Variants in PTPRK observed in about 807,000 individuals in gnomAD.
PTPRK encodes the protein protein tyrosine phosphatase receptor type K.
A neutral mutation model predicts 178.0 loss-of-function variants in PTPRK; 75 were observed. The observed-to-expected ratio is 0.42, with a 90% confidence interval of 0.35 to 0.51. The LOEUF (loss-of-function observed/expected upper bound fraction) is 0.51. Ranked by LOEUF, PTPRK falls within the 20% of genes least tolerant of loss-of-function variation. The pLI is 0.02. For synonymous variants in PTPRK, 637 were observed against 620.6 expected (o/e 1.03, Z -0.39); for missense variants, 1,441 against 1,797.8 (o/e 0.80, Z 3.59).
chr6:128,499,708 T>C (rs982039242), intron 1 of PTPRK, among the ~76,000 whole-genome samples: 4 of 152,240 alleles, frequency 2.6e-5, no homozygotes, highest in Non-Finnish European at 5.9e-5. Context: ...TCTTTTTGCA[T>C]TGTGACTCAG....
chr6:128,003,866 A>AATAAAATAT (rs1778126556), intron 15 of PTPRK, among the ~76,000 whole-genome samples: 1 of 151,900 alleles, frequency 6.6e-6, no homozygotes, highest in African/African-American at 2.4e-5. Context: ...AATAGATCTG[A>AATAAAATAT]AAGGCCCTGT....
chr6:128,278,324 T>G (rs1821104986), intron 3 of PTPRK, among the ~76,000 whole-genome samples: 1 of 151,754 alleles, frequency 6.6e-6, no homozygotes, highest in African/African-American at 2.4e-5. Context: ...GCCCAGGTAA[T>G]TTTTTGTATT....
chr6:128,136,744 G>A (rs1178151213), intron 7 of PTPRK, among the ~76,000 whole-genome samples: 1 of 152,084 alleles, frequency 6.6e-6, no homozygotes, highest in Non-Finnish European at 1.5e-5. Context: ...TGTGGACAAG[G>A]GTGGAGCTAT....
intron 22 of PTPRK, among the ~76,000 whole-genome samples, chr6:127,984,990 G>A (rs1008520711): frequency 3.3e-5 from 5 of 152,122 alleles, no homozygotes; most frequent in Non-Finnish European, 1.5e-5. Flanking sequence ...AGCAAAAAAT[G>A]CTTAGGTACA....
chr6:127,975,387 C>A (rs999174453), intron 27 of PTPRK, among the ~76,000 whole-genome samples: 4 of 152,032 alleles, frequency 2.6e-5, no homozygotes, highest in Non-Finnish European at 5.9e-5. Flanking sequence ...TGAAGTTATC[C>A]TTTTTTTCTC....
chr6:128,373,100 A>G (rs549538790), intron 2 of PTPRK, among the ~76,000 whole-genome samples: 70 of 152,294 alleles, frequency 4.6e-4, no homozygotes, highest in African/African-American at 1.5e-3. Context: ...GTAAGGGCCT[A>G]TCAAAGACAT....
chr6:128,051,152 TG>T (rs1421361140), intron 13 of PTPRK, among the ~76,000 whole-genome samples: 1 of 152,238 alleles, frequency 6.6e-6, no homozygotes, highest in East Asian at 1.9e-4. Context: ...TTTCTGCATT[TG>T]TTCAATTATA....
intron 7 of PTPRK, among the ~76,000 whole-genome samples, chr6:128,171,962 TA>T (rs1367807936): frequency 6.6e-6 from 1 of 151,922 alleles, no homozygotes; most frequent in Non-Finnish European, 1.5e-5. Flanking sequence ...CTCGTCTTCT[TA>T]AAAAATAAGG....
At chr6:128,250,503 T>A (rs1199957772) in intron 3 of PTPRK, among the ~76,000 whole-genome samples, 1 of 152,190 alleles carries the variant, frequency 6.6e-6, no homozygotes, top group African/African-American at 2.4e-5. Context: ...AACAATGCAG[T>A]ATCAGTGGAT....
intron 6 of PTPRK, among the ~76,000 whole-genome samples, chr6:128,211,064 G>A (rs1012403699): frequency 6.6e-6 from 1 of 152,052 alleles, no homozygotes; most frequent in African/African-American, 2.4e-5. Flanking sequence ...ATCCTAAAGT[G>A]TAAAAGTCAC....
intron 13 of PTPRK, among the ~76,000 whole-genome samples, chr6:128,030,392 G>A (rs1450100916): frequency 6.6e-6 from 1 of 152,132 alleles, no homozygotes; most frequent in Non-Finnish European, 1.5e-5. Flanking sequence ...ATTTTGAAGG[G>A]TAAAAATCAT....
intron 1 of PTPRK, chr6:128,491,998 T>C: frequency 5.4e-6 from 2 of 371,880 alleles, no homozygotes; most frequent in South Asian, 3.9e-5. Context: ...GGAAGTCTGA[T>C]CCTATCACTC....
At chr6:128,296,990 C>T (rs1402676029) in intron 3 of PTPRK, among the ~76,000 whole-genome samples, 1 of 151,518 alleles carries the variant, frequency 6.6e-6, no homozygotes, top group African/African-American at 2.4e-5. Flanking sequence ...ATCTCACGTG[C>T]AGAGACACAC....
In PTPRK at chr6:127,991,277, C is replaced by A. The variant is rs138396337; in HGVS notation, c.2979+17G>T. 319 of 1,566,870 alleles carry A rather than the reference C, an allele frequency of 2.0e-4. 1 individual carries two copies. The African/African-American group carries it at 3.7e-3, about 18-fold the overall frequency. ...TGTTCATTTTTATGACAAAAAAATT[C>A]TTTTTCTTCCTCTTACCCGGCCAAC... On this transcript the variant is annotated intron_variant, in intron 20 of 29. Transcript: ENST00000368226.
chr6:128,116,885 G>A (rs1309446198), intron 7 of PTPRK, among the ~76,000 whole-genome samples: 5 of 152,186 alleles, frequency 3.3e-5, no homozygotes, highest in East Asian at 3.9e-4. Context: ...GGTGGCTCAC[G>A]CCTGTAATCC....
rs560300970 is a variant in PTPRK, at chr6:128,107,501, A to G, written c.1163-17509T>C. Among the ~76,000 whole-genome samples the G allele has an allele frequency of 2.6e-5, 4 of 152,338 alleles. No individual in the cohort carries two copies. The South Asian group carries it at 8.3e-4, about 32-fold the overall frequency. On this transcript the variant is annotated intron_variant, in intron 7 of 29. Coordinates refer to ENST00000368226, the MANE Select transcript of PTPRK (RefSeq NM_002844.4). ...AATTCCTCTAGCCCAAAGCTGTATA[A>G]TGTAAAAAGTGATGGAGAAATAAAT...
intron 2 of PTPRK, among the ~76,000 whole-genome samples, chr6:128,356,091 GT>G (rs1426767756): frequency 1.3e-5 from 2 of 152,108 alleles, no homozygotes; most frequent in Non-Finnish European, 2.9e-5. Flanking sequence ...TACTTGTCCT[GT>G]TTAAGGCTAA....
intron 13 of PTPRK, among the ~76,000 whole-genome samples, chr6:128,052,783 C>A (rs1779237422): frequency 6.6e-6 from 1 of 152,112 alleles, no homozygotes; most frequent in Admixed American, 6.5e-5. Flanking sequence ...ATCCATCTTT[C>A]TCTATTTATA....
chr6:128,380,672 G>A (rs1341912215), intron 2 of PTPRK, among the ~76,000 whole-genome samples: 1 of 151,938 alleles, frequency 6.6e-6, no homozygotes, highest in Middle Eastern at 3.2e-3. Context: ...CAAAGTAACT[G>A]AAAATACATT....
Sources: allele counts gnomAD v4.1 joint callset (sites outside exome capture counted in the v4.1 genomes callset), GRCh38; gene constraint gnomAD v4.1.1; transcripts MANE v1.5; gene names NCBI Gene and HGNC (gene_info 2026-07-23, HGNC 2026-07-21).